The following SLC9A1 variants were observed in gnomAD, a reference collection of about 807,000 sequenced individuals.
The protein encoded by SLC9A1 is sodium/hydrogen exchanger 1.
In SLC9A1, 22 loss-of-function variants were observed where a neutral mutation model predicts 67.9. That is an observed-to-expected ratio of 0.32 (90% CI 0.23 to 0.46). The LOEUF (loss-of-function observed/expected upper bound fraction) is 0.46. SLC9A1 is among the 20% of genes least tolerant of loss of function. The pLI is 1.00. For synonymous variants in SLC9A1, 421 were observed against 471.8 expected, an observed-to-expected ratio of 0.89 and a Z score of 1.40; for missense variants, 686 against 1,094.8, an observed-to-expected ratio of 0.63 and a Z score of 5.27.
chr1:27,124,288 C>G (rs1224480091), intron 1 of SLC9A1, among the ~76,000 whole-genome samples: 1 of 151,892 alleles, frequency 6.6e-6, no homozygotes, highest in South Asian at 2.1e-4. Context: ...GCTGGGGGTA[C>G]AGTAGAGCTT....
chr1:27,136,527 G>C (rs560165113), intron 1 of SLC9A1, among the ~76,000 whole-genome samples: 3 of 136,562 alleles, frequency 2.2e-5, no homozygotes, highest in South Asian at 4.7e-4. Context: ...CCGAGGATAA[G>C]ACCAGGAGTT....
intron 2 of SLC9A1, among the ~76,000 whole-genome samples, chr1:27,110,098 CTG>C (rs2083217703): frequency 6.6e-6 from 1 of 152,228 alleles, no homozygotes; most frequent in Non-Finnish European, 1.5e-5. Context: ...ATTCATCTCC[CTG>C]TGTTTCAGTT....
Position 27,109,506 on chromosome 1 carries a change from G to T in SLC9A1, c.1064+21C>A. ...CCGCCCCCACCCCGCCAAGCCCACTGCCTGCTGCACGCAGACTCACGCCAT... is the reference window on the plus strand; with the variant it reads ...CCGCCCCCACCCCGCCAAGCCCACTTCCTGCTGCACGCAGACTCACGCCAT... On this transcript the variant is annotated intron_variant, in intron 3 of 11. Transcript: ENST00000263980. The surrounding 1 kb of genome is among the most constrained non-coding windows in gnomAD (Gnocchi z 5.5). 1.2e-6 allele frequency: 2 copies of T among 1,608,864 alleles called. No homozygotes were observed. The highest frequency in any genetic ancestry group is 8.5e-7 in the Non-Finnish European group (1 of 1,178,252).
chr1:27,139,133 G>A (rs182465092), intron 1 of SLC9A1, among the ~76,000 whole-genome samples: 1 of 152,264 alleles, frequency 6.6e-6, no homozygotes, highest in Admixed American at 6.5e-5. Flanking sequence ...TCCTCACCCA[G>A]ACTTTTCCTG....
At chr1:27,125,834 G>A (rs1001623636) in intron 1 of SLC9A1, among the ~76,000 whole-genome samples, 2 of 151,600 alleles carry the variant, frequency 1.3e-5, no homozygotes, top group Admixed American at 1.3e-4. Flanking sequence ...CTCGTGATCC[G>A]CCCACCTCAG....
At position 27,102,369 on chromosome 1, in the gene SLC9A1, T is replaced by C. The variant is rs2083153100; in HGVS notation, c.1820+16A>G. ...GTGTGTGGGAGCAGAAGCTGCCTGG[T>C]TGCCCCAGCACTCACTGCATGGAGA... On this transcript the variant is annotated intron_variant, in intron 8 of 11. Transcript: ENST00000263980. 13 of 1,570,224 alleles carry C rather than the reference T, an allele frequency of 8.3e-6. No individual in the cohort carries two copies. Among genetic ancestry groups the C allele is most frequent in the Non-Finnish European group, 1.1e-5 (13 of 1,153,576 alleles).
chr1:27,116,186 C>G (rs937087502), intron 1 of SLC9A1, among the ~76,000 whole-genome samples: 1 of 152,076 alleles, frequency 6.6e-6, no homozygotes, highest in African/African-American at 2.4e-5. Flanking sequence ...ATGGTGAAAC[C>G]CTGTCTCTAC....
chr1:27,128,702 A>G (rs1464427565), intron 1 of SLC9A1, among the ~76,000 whole-genome samples: 1 of 151,806 alleles, frequency 6.6e-6, no homozygotes, highest in Non-Finnish European at 1.5e-5. Context: ...TCATGCCTAT[A>G]ATCCCAGCAC....
chr1:27,130,994 G>A (rs1463365541), intron 1 of SLC9A1, among the ~76,000 whole-genome samples: 1 of 152,236 alleles, frequency 6.6e-6, no homozygotes, highest in Non-Finnish European at 1.5e-5. Context: ...GCCCAGGAAG[G>A]AGATAAGGAA....
rs2083148975 is a variant in SLC9A1, at chr1:27,101,957, TAG to T, written c.1935+57_1935+58del. On this transcript the variant is annotated intron_variant, in intron 9 of 11. Transcript: ENST00000263980. This position sits in a 1 kb window ranked among gnomAD's most constrained non-coding sequence, Gnocchi z 4.9. Reference sequence around the variant, plus strand: ...GGGCACGGGCAGGGCAGGGCTGCCGTAGAGAGGGGCTGAAGGGCTCCTGTACC... The same window carrying T: ...GGGCACGGGCAGGGCAGGGCTGCCGTAGAGGGGCTGAAGGGCTCCTGTACC... The T allele has an allele frequency of 8.1e-6, 12 of 1,472,858 alleles. No individual in the cohort carries two copies. In the Admixed American group the frequency reaches 8.4e-5, roughly 10 times the overall value. The allele number at this position is 1,472,858 out of a possible 1,614,324, so 91.2% of individuals were successfully genotyped here.
In SLC9A1 at chr1:27,111,446, G is replaced by A. The variant is rs191085627; in HGVS notation, c.814-1669C>T. 1.1e-4 allele frequency among the ~76,000 whole-genome samples: 16 copies of A among 152,048 alleles called. No individual in the cohort carries two copies. In the East Asian group the frequency reaches 2.5e-3, roughly 24 times the overall value. ...CTCTCCGTTCCTCAGTTTCCTCATC[G>A]CAAAAAAACTGGAATATAACTGTGT... On this transcript the variant is annotated intron_variant, in intron 2 of 11. Transcript: ENST00000263980.
rs765411490 is a variant in SLC9A1 at position 27,103,226 on chromosome 1, T to C, written c.1572A>G (p.Thr524=). The C allele has an allele frequency of 8.7e-6, 14 of 1,610,496 alleles. No individual in the cohort carries two copies. Among genetic ancestry groups the C allele is most frequent in the Non-Finnish European group, 1.2e-5 (14 of 1,176,858 alleles). ...TKRSINEEIH[T]QFLDHLLTGI... ...GGCCCAGCCCGCACTCCAGTACCTG[T>C]GTGTGGATCTCTTCGTTGATGGAGC... Residue 524 remains threonine (T), a synonymous_variant, in exon 6 of 12, where the codon ACA becomes ACG. Transcript: ENST00000263980.
chr1:27,154,143 T>C lies in SLC9A1; in HGVS notation c.192A>G (p.Pro64=), dbSNP rs903323442. The change falls in exon 1 of 12, where the codon CCA becomes CCG. Residue 64 remains proline (P), a synonymous_variant. Transcript: ENST00000263980. ...GGCGGCTCTCTGGGGTGACCTCCGG[T>C]GGAGCGGTGGTGACATCCCCAATCG... ...ERSIGDVTTA[P]PEVTPESRPV... 1 of 1,613,928 alleles carries C rather than the reference T, an allele frequency of 6.2e-7. No homozygotes were observed. Among genetic ancestry groups the C allele is most frequent in the African/African-American group, 1.3e-5 (1 of 74,890 alleles).
intron 5 of SLC9A1, 157 bp downstream of exon 5, chr1:27,105,728 C>T (rs2083179547): frequency 1.4e-6 from 1 of 727,088 alleles, no homozygotes; most frequent in Admixed American, 2.0e-5. Context: ...GAAACTGAGG[C>T]CCAGAAAGGG....
chr1:27,145,402 G>A (rs2083479121), intron 1 of SLC9A1, among the ~76,000 whole-genome samples: 3 of 152,248 alleles, frequency 2.0e-5, no homozygotes, highest in Non-Finnish European at 4.4e-5. Flanking sequence ...CAGCTGACCT[G>A]CCTCTTCCAC....
At chr1:27,127,787 TG>T (rs2083355848) in intron 1 of SLC9A1, among the ~76,000 whole-genome samples, 1 of 152,152 alleles carries the variant, frequency 6.6e-6, no homozygotes, top group African/African-American at 2.4e-5. Flanking sequence ...ACCAGCAGGA[TG>T]GGTGAGCACC....
At chr1:27,129,147 G>T (rs947738466) in intron 1 of SLC9A1, among the ~76,000 whole-genome samples, 1 of 152,176 alleles carries the variant, frequency 6.6e-6, no homozygotes, top group African/African-American at 2.4e-5. Flanking sequence ...CAGCATTAAG[G>T]CTCCATGGGC....
In SLC9A1 at chr1:27,102,660, G is replaced by T. The variant is rs759143875; in HGVS notation, c.1646+13C>A. The T allele has an allele frequency of 8.1e-6, 13 of 1,613,338 alleles. No individual in the cohort carries two copies. The Admixed American group carries it at 2.2e-4, about 27-fold the overall frequency. ...CTGCCCCTCCCTGCCTGCCCACCAG[G>T]CCTGCCACCTACTTGTCCTTCCAGT... is the stretch of plus-strand genomic sequence containing the variant. On this transcript the variant is annotated intron_variant, in intron 7 of 11. Coordinates refer to ENST00000263980, the MANE Select transcript of SLC9A1 (RefSeq NM_003047.5).
At chr1:27,131,268 C>T (rs1021451187) in intron 1 of SLC9A1, among the ~76,000 whole-genome samples, 69 of 152,046 alleles carry the variant, frequency 4.5e-4, no homozygotes, top group African/African-American at 1.6e-3. Flanking sequence ...AGCCCTGTCA[C>T]GCAGCGTCCA....
Sources: allele counts gnomAD v4.1 joint callset (sites outside exome capture counted in the v4.1 genomes callset), GRCh38; gene constraint gnomAD v4.1.1; non-coding constraint Gnocchi (gnomAD v3.1); transcripts MANE v1.5; gene names NCBI Gene and HGNC (gene_info 2026-07-23, HGNC 2026-07-21).